Variants in CFAP54 observed in about 807,000 individuals in gnomAD.
CFAP54 encodes cilia and flagella associated protein 54.
A neutral mutation model predicts 370.4 loss-of-function variants in CFAP54; 290 were observed. That is an observed-to-expected ratio of 0.78 (90% CI 0.71 to 0.86). The LOEUF (loss-of-function observed/expected upper bound fraction) is 0.86, where lower values mean the gene tolerates loss of function less well. CFAP54 is among the 40% of genes least tolerant of loss of function. The probability of loss-of-function intolerance (pLI) is 0.00; values close to 1 mark genes in which losing one functional copy is unlikely to be tolerated. For synonymous variants in CFAP54, 1,206 were observed against 1,236.5 expected (o/e 0.98, Z 0.52); for missense variants, 3,399 against 3,528.7 (o/e 0.96, Z 0.93).
At chr12:96,804,550 T>G (rs1958857426) in intron 63 of CFAP54, among the ~76,000 whole-genome samples, 1 of 151,996 alleles carries the variant, frequency 6.6e-6, no homozygotes, top group Admixed American at 6.6e-5. Context: ...TCTAGGAATA[T>G]ATTTACCCAA....
chr12:96,704,324 G>C (rs1191551874), intron 46 of CFAP54, among the ~76,000 whole-genome samples: 29 of 150,518 alleles, frequency 1.9e-4, no homozygotes, highest in Admixed American at 1.9e-3. Flanking sequence ...CTACTTGGGA[G>C]GCTGAGGCAG....
chr12:96,842,508 A>G (rs1025171468), intron 66 of CFAP54, among the ~76,000 whole-genome samples: 1 of 152,160 alleles, frequency 6.6e-6, no homozygotes, highest in African/African-American at 2.4e-5. Context: ...TGTTGCATAA[A>G]AGGAATTTTA....
chr12:96,802,500 C>A (rs1294261443), intron 63 of CFAP54, among the ~76,000 whole-genome samples: 2 of 152,102 alleles, frequency 1.3e-5, no homozygotes, highest in Non-Finnish European at 1.5e-5. Context: ...TTGCAGCTAC[C>A]AAGAACACCA....
intron 50 of CFAP54, among the ~76,000 whole-genome samples, chr12:96,737,496 GT>G (rs398039990): frequency 1.7e-4 from 24 of 143,492 alleles, no homozygotes; most frequent in Non-Finnish European, 2.4e-4. Flanking sequence ...TATATGTTTT[GT>G]TTTTTTTTTT....
rs937516857 is a variant in CFAP54 at position 96,677,717 on chromosome 12, G to A, written c.5564-1883G>A. Reference sequence around the variant, plus strand: ...GCCTAAGTATTTGATTCTCTTAAATGTGTGATAGGGAATTGTGTCAAGACT... The same window carrying A: ...GCCTAAGTATTTGATTCTCTTAAATATGTGATAGGGAATTGTGTCAAGACT... On this transcript the variant is annotated intron_variant, in intron 39 of 67. Transcript: ENST00000524981. 2.6e-5 allele frequency among the ~76,000 whole-genome samples: 4 copies of A among 152,178 alleles called. No homozygotes were observed. In the East Asian group the frequency reaches 7.7e-4, roughly 29 times the overall value.
At chr12:96,663,309 AG>A (rs1957017339) in intron 38 of CFAP54, among the ~76,000 whole-genome samples, 1 of 152,166 alleles carries the variant, frequency 6.6e-6, no homozygotes, top group African/African-American at 2.4e-5. Flanking sequence ...TGAAGAGAAG[AG>A]GGTCTTGGGC....
chr12:96,639,328 G>T (rs549760678), intron 32 of CFAP54, among the ~76,000 whole-genome samples: 1 of 152,318 alleles, frequency 6.6e-6, no homozygotes, highest in South Asian at 2.1e-4. Context: ...AGAAAATCTA[G>T]AATAAATGGA....
rs1958221201 is a variant in CFAP54 at position 96,753,996 on chromosome 12, A to G, written c.7840+98A>G. 4.0e-6 allele frequency: 5 copies of G among 1,241,344 alleles called. No homozygotes were observed. In the South Asian group the frequency reaches 7.6e-5, roughly 19 times the overall value. 76.9% of individuals were successfully genotyped at this position (1,241,344 alleles called of 1,614,324 possible). On this transcript the variant is annotated intron_variant, in intron 56 of 67. Transcript: ENST00000524981. ...GAAAATCTGGTCCCTGACTATAAAA[A>G]TTACAAACATACAAAGGGCTTAGAG...
At chr12:96,752,105 A>AGAGAGG (rs1958191937) in intron 55 of CFAP54, among the ~76,000 whole-genome samples, 1 of 147,734 alleles carries the variant, frequency 6.8e-6, no homozygotes. Context: ...AGAGAGAGAG[A>AGAGAGG]GAGAGAGAGA....
chr12:96,691,075 T>C, intron 43 of CFAP54, 53 bp from the exon 44 acceptor site: 7 of 1,502,666 alleles, frequency 4.7e-6, no homozygotes, highest in Non-Finnish European at 6.4e-6. Flanking sequence ...TTTTGTTTCA[T>C]TATTGAAAAT....
intron 39 of CFAP54, among the ~76,000 whole-genome samples, chr12:96,676,423 C>G (rs924871113): frequency 1.3e-5 from 2 of 152,026 alleles, no homozygotes; most frequent in African/African-American, 4.8e-5. Context: ...TATTTGTGGT[C>G]CCCCCCACCT....
intron 1 of CFAP54, among the ~76,000 whole-genome samples, chr12:96,495,068 A>C (rs984137810): frequency 2.0e-5 from 3 of 152,118 alleles, no homozygotes; most frequent in African/African-American, 4.8e-5. Context: ...TTTCCTTATA[A>C]CTATGGAAAC....
At chr12:96,786,963 A>C (rs1438717732) in intron 62 of CFAP54, 65 bp downstream of exon 62, 8 of 1,181,404 alleles carry the variant, frequency 6.8e-6, no homozygotes, top group Non-Finnish European at 9.4e-6. Context: ...ATATTTCAGA[A>C]GGAAACACAT....
chr12:96,855,585 A>G (rs1959679369), intron 66 of CFAP54, among the ~76,000 whole-genome samples: 1 of 152,260 alleles, frequency 6.6e-6, no homozygotes, highest in African/African-American at 2.4e-5. Context: ...AAGGGCAGTC[A>G]TTAAACCTTA....
chr12:96,574,861 CA>C (rs1175722739), intron 19 of CFAP54, among the ~76,000 whole-genome samples: 2 of 152,008 alleles, frequency 1.3e-5, no homozygotes, highest in African/African-American at 4.8e-5. Context: ...AGACGGTTAT[CA>C]AAGTTAAAAT....
intron 66 of CFAP54, among the ~76,000 whole-genome samples, chr12:96,838,886 A>T (rs1450864732): frequency 1.3e-5 from 2 of 152,228 alleles, no homozygotes; most frequent in Admixed American, 1.3e-4. Context: ...GAAGTGGGCC[A>T]GGTGACAAGA....
chr12:96,663,778 T>TG, intron 38 of CFAP54, 52 bp from the exon 39 acceptor site: 1 of 1,349,282 alleles, frequency 7.4e-7, no homozygotes, highest in South Asian at 1.2e-5. Context: ...GTAAGCGAAA[T>TG]TTTTAACTAT....
chr12:96,685,879 G>T (rs116090631), intron 42 of CFAP54, among the ~76,000 whole-genome samples: 2,611 of 152,278 alleles, frequency 0.017, 63 homozygotes, highest in African/African-American at 0.058. Context: ...GTGGTCAAAT[G>T]AATGAGCAGT....
At chr12:96,518,852 A>G (rs1349312584) in intron 5 of CFAP54, 76 bp from the exon 6 acceptor site, 1 of 1,290,244 alleles carries the variant, frequency 7.8e-7, no homozygotes, top group Non-Finnish European at 1.0e-6. Context: ...ACAACTTAGA[A>G]TTTGATTATA....
Sources: allele counts gnomAD v4.1 joint callset (sites outside exome capture counted in the v4.1 genomes callset), GRCh38; gene constraint gnomAD v4.1.1; transcripts MANE v1.5; gene names NCBI Gene and HGNC (gene_info 2026-07-23, HGNC 2026-07-21).